The following MON1B variants were observed in gnomAD, a reference collection of about 807,000 sequenced individuals.
MON1B encodes vacuolar fusion protein MON1 homolog B.
Under a neutral mutation model 45.1 loss-of-function variants are expected in MON1B, and 26 were observed. The ratio of observed to expected loss-of-function variants is 0.58; its 90% CI spans 0.42 to 0.80. The LOEUF (loss-of-function observed/expected upper bound fraction) is 0.80. Ranked by LOEUF, MON1B falls within the 30% of genes least tolerant of loss-of-function variation. The pLI is 0.00. For synonymous variants in MON1B, 395 were observed against 320.2 expected (o/e 1.23, Z -2.49); for missense variants, 737 against 754.5 (o/e 0.98, Z 0.27).
In MON1B at chr16:77,198,610, C is replaced by T; in HGVS notation, c.*302C>T. Reference sequence around the variant, plus strand: ...TCTAGCCTCTGTCAGGGACTGTCCCCTCCAAACTTGCTTCCGTGGTCTGCC... The same window carrying T: ...TCTAGCCTCTGTCAGGGACTGTCCCTTCCAAACTTGCTTCCGTGGTCTGCC... On this transcript the variant is annotated 3_prime_UTR_variant, in exon 6 of 6. Transcript: ENST00000248248. 1 of 415,794 alleles carries T rather than the reference C, an allele frequency of 2.4e-6. No homozygotes were observed. Among genetic ancestry groups the T allele is most frequent in the East Asian group, 4.8e-5 (1 of 20,900 alleles). 25.8% of individuals were successfully genotyped at this position (415,794 alleles called of 1,614,324 possible). A position where few individuals can be genotyped will look rare whatever the true frequency, so the allele number is the denominator to read the frequency against.
Position 77,193,210 on chromosome 16 carries a change from A to C in MON1B, c.149-241A>C, listed in dbSNP as rs1483659049. Among the ~76,000 whole-genome samples, 2 of 152,158 alleles carry C rather than the reference A, an allele frequency of 1.3e-5. No individual in the cohort carries two copies. Among genetic ancestry groups the C allele is most frequent in the African/African-American group, 4.8e-5 (2 of 41,414 alleles). On this transcript the variant is annotated intron_variant, in intron 2 of 5. Coordinates refer to ENST00000248248, the MANE Select transcript of MON1B (RefSeq NM_014940.4). This position sits in a 1 kb window ranked among gnomAD's most constrained non-coding sequence, Gnocchi z 5.0. ...GGAACATAGCAAGTCCAGTGGAATAACAATGAGAATATGTTGGTTTATTAG... is the reference window on the plus strand; with the variant it reads ...GGAACATAGCAAGTCCAGTGGAATACCAATGAGAATATGTTGGTTTATTAG...
At position 77,193,278 on chromosome 16, in the gene MON1B, A is replaced by G. The variant is rs374180308; in HGVS notation, c.149-173A>G. ...TGGAACCTAAATGTTAGTGGAGATC[A>G]TTGCGGGGTCCTAGGGCAGTCATCG... On this transcript the variant is annotated intron_variant, in intron 2 of 5. Coordinates refer to ENST00000248248, the MANE Select transcript of MON1B (RefSeq NM_014940.4). This position sits in a 1 kb window ranked among gnomAD's most constrained non-coding sequence, Gnocchi z 5.0. 6.6e-5 allele frequency among the ~76,000 whole-genome samples: 10 copies of G among 152,086 alleles called. No homozygotes were observed. In the East Asian group the frequency reaches 7.7e-4, roughly 12 times the overall value.
chr16:77,199,542 T>C lies in MON1B; in HGVS notation c.*1234T>C. The C allele has an allele frequency of 4.0e-6, 6 of 1,518,240 alleles. No homozygotes were observed. The highest frequency in any genetic ancestry group is 5.4e-6 in the Non-Finnish European group (6 of 1,117,240). 94.0% of individuals were successfully genotyped at this position (1,518,240 alleles called of 1,614,324 possible). A position where few individuals can be genotyped will look rare whatever the true frequency, so the allele number is the denominator to read the frequency against. ...TGAGGGCAAGTGGGCTGCACTCCTTTCTCTCCAACCAGGGCAGAAAGGAGG... is the reference window on the plus strand; with the variant it reads ...TGAGGGCAAGTGGGCTGCACTCCTTCCTCTCCAACCAGGGCAGAAAGGAGG... On this transcript the variant is annotated 3_prime_UTR_variant, in exon 6 of 6. Coordinates refer to ENST00000248248, the MANE Select transcript of MON1B (RefSeq NM_014940.4).
In MON1B at chr16:77,199,120, G is replaced by A. The variant is rs1597379153; in HGVS notation, c.*812G>A. 3.1e-6 allele frequency: 1 copy of A among 322,120 alleles called. No homozygotes were observed. The highest frequency in any genetic ancestry group is 5.7e-6 in the Non-Finnish European group (1 of 175,746). 20.0% of individuals were successfully genotyped at this position (322,120 alleles called of 1,614,324 possible). A position where few individuals can be genotyped will look rare whatever the true frequency, so the allele number is the denominator to read the frequency against. On this transcript the variant is annotated 3_prime_UTR_variant, in exon 6 of 6. Coordinates refer to ENST00000248248, the MANE Select transcript of MON1B (RefSeq NM_014940.4). Reference sequence around the variant, plus strand: ...ACCACCACATAGCACATGCACGTCTGTCCCAGACTTTGACAACCTGCACAA... The same window carrying A: ...ACCACCACATAGCACATGCACGTCTATCCCAGACTTTGACAACCTGCACAA...
At chr16:77,191,766 G>A in intron 2 of MON1B, 133 bp downstream of exon 2, 1 of 1,007,670 alleles carries the variant, frequency 9.9e-7, no homozygotes, top group South Asian at 1.6e-5. Flanking sequence ...CGCCGGGTCA[G>A]GAGGAGGTCA....
At position 77,191,539 on chromosome 16, in the gene MON1B, G is replaced by A. The variant is rs749556783; in HGVS notation, c.54G>A (p.Leu18=). Residue 18 remains leucine, a synonymous_variant, in exon 2 of 6, where the codon TTG becomes TTA. Coordinates refer to ENST00000248248, the MANE Select transcript of MON1B (RefSeq NM_014940.4). Reference sequence around the variant, plus strand: ...CGGCCCCCGGGGGCGCGGAGGACTTGGAGGACACGCAGTTCCCCAGTGAGG... The same window carrying A: ...CGGCCCCCGGGGGCGCGGAGGACTTAGAGGACACGCAGTTCCCCAGTGAGG... ...AAPAPGGAED[L]EDTQFPSEEA... is the part of the protein sequence containing the mutation. The A allele has an allele frequency of 6.2e-7, 1 of 1,609,934 alleles. No homozygotes were observed. The highest frequency in any genetic ancestry group is 1.3e-5 in the African/African-American group (1 of 74,610).
intron 5 of MON1B, among the ~76,000 whole-genome samples, chr16:77,197,890 A>G (rs1434246915): frequency 6.6e-6 from 1 of 152,146 alleles, no homozygotes; most frequent in African/African-American, 2.4e-5. Flanking sequence ...ACCCACACAC[A>G]CAACCAGCAT....
In MON1B at chr16:77,194,129, C is replaced by G. The variant is rs1597375348; in HGVS notation, c.476-206C>G. ...TGGTCTTTGCTGTGTATCTAACCTA[C>G]TTGTTCCTTTGTCCATCCCATCATG... is the stretch of plus-strand genomic sequence containing the variant. On this transcript the variant is annotated intron_variant, in intron 3 of 5. Coordinates refer to ENST00000248248, the MANE Select transcript of MON1B (RefSeq NM_014940.4). The surrounding 1 kb of genome is among the most constrained non-coding windows in gnomAD (Gnocchi z 8.1). The G allele has an allele frequency of 2.0e-5, 13 of 652,348 alleles. No homozygotes were observed. In the East Asian group the frequency reaches 3.5e-4, roughly 17 times the overall value. The allele number at this position is 652,348 out of a possible 1,614,324, so 40.4% of individuals were successfully genotyped here.
rs759726753 is a variant in MON1B at position 77,191,241 on chromosome 16, G to C, written c.-28G>C. ...GAAGTAATGGTATCCGGCCAATTGA[G>C]ATTCGGAGTTAAAACAGGTGTTTGT... On this transcript the variant is annotated 5_prime_UTR_variant, in exon 1 of 6. Transcript: ENST00000248248. 2.6e-6 allele frequency: 4 copies of C among 1,537,340 alleles called. No homozygotes were observed. Among genetic ancestry groups the C allele is most frequent in the Non-Finnish European group, 2.6e-6 (3 of 1,146,938 alleles).
chr16:77,200,353 G>A lies in MON1B; in HGVS notation c.*2045G>A, dbSNP rs1163316281. ...TGTAATCGCAGCTACTCAGGAAGCT[G>A]AGGCAGGAGAATCACTTGAACCCGA... is the stretch of plus-strand genomic sequence containing the variant. On this transcript the variant is annotated 3_prime_UTR_variant, in exon 6 of 6. Transcript: ENST00000248248. 1.3e-5 allele frequency: 2 copies of A among 150,196 alleles called. No individual in the cohort carries two copies. Among genetic ancestry groups the A allele is most frequent in the Non-Finnish European group, 3.0e-5 (2 of 67,704 alleles). The allele number at this position is 150,196 out of a possible 1,614,324, so 9.3% of individuals were successfully genotyped here.
Position 77,200,291 on chromosome 16 carries a change from T to TATATATATATATGTATATATATAC in MON1B, c.*1984_*1985insTATATATATATGTATATATATACA. ...ATATATGTGTATATATATATATATA[T>TATATATATATATGTATATATATAC]ACACACACTAATCAGCCGGGCGCGG... is the stretch of plus-strand genomic sequence containing the variant. On this transcript the variant is annotated 3_prime_UTR_variant, in exon 6 of 6. Transcript: ENST00000248248. 2.7e-5 allele frequency: 3 copies of TATATATATATATGTATATATATAC among 111,430 alleles called. No homozygotes were observed. The highest frequency in any genetic ancestry group is 5.7e-5 in the Non-Finnish European group (3 of 52,240). 6.9% of individuals were successfully genotyped at this position (111,430 alleles called of 1,614,324 possible).
rs1456164960 is a variant in MON1B at position 77,200,651 on chromosome 16, G to A, written c.*2343G>A. ...GGCGCCTGTAGTCCCAGCTACTGGG[G>A]AGGCTGAGGCAGGGGAATTGCTTGA... On this transcript the variant is annotated 3_prime_UTR_variant, in exon 6 of 6. Coordinates refer to ENST00000248248, the MANE Select transcript of MON1B (RefSeq NM_014940.4). The A allele has an allele frequency of 6.6e-5, 10 of 151,410 alleles. No homozygotes were observed. The highest frequency in any genetic ancestry group is 6.6e-4 in the Admixed American group (10 of 15,198). 9.4% of individuals were successfully genotyped at this position (151,410 alleles called of 1,614,324 possible).
At position 77,195,143 on chromosome 16, in the gene MON1B, C is replaced by T. The variant is rs1187424053; in HGVS notation, c.1284C>T (p.Pro428=). ...TCCCTGACCACCACCGCCAACTGCC[C>T]CAGTTTACCAGGTAGGCCCTGACCC... ...LDIPDHHRQL[P]QFTSPELEAP... is the part of the protein sequence containing the mutation. The change falls in exon 4 of 6, where the codon CCC becomes CCT. Residue 428 remains proline, a synonymous_variant. Transcript: ENST00000248248. 8.2e-6 allele frequency: 13 copies of T among 1,592,568 alleles called. No homozygotes were observed. The Admixed American group carries it at 1.8e-4, about 23-fold the overall frequency.
At chr16:77,198,060 C>T (rs753975453) in intron 5 of MON1B, 48 bp from the exon 6 acceptor site, 10 of 1,575,378 alleles carry the variant, frequency 6.3e-6, no homozygotes, top group East Asian at 4.5e-5. Flanking sequence ...CAGGATTGTC[C>T]ATAGCCAGCT....
At position 77,194,672 on chromosome 16, in the gene MON1B, TGGCC is replaced by T; in HGVS notation, c.814_817del (p.Gly272TrpfsTer8). On this transcript the variant is annotated frameshift_variant, in exon 4 of 6. Coordinates refer to ENST00000248248, the MANE Select transcript of MON1B (RefSeq NM_014940.4). LOFTEE classifies it high-confidence loss of function. The surrounding 1 kb of genome is among the most constrained non-coding windows in gnomAD (Gnocchi z 8.1). ...CGCTCCTCCGACGTTGCACAGCGCC[TGGCC>T]TGGCGCTGTCAGTGCTGGCAGTAGG... 6.2e-7 allele frequency: 1 copy of T among 1,613,868 alleles called. No individual in the cohort carries two copies. Among genetic ancestry groups the T allele is most frequent in the Non-Finnish European group, 8.5e-7 (1 of 1,179,896 alleles).
chr16:77,198,298 C>G lies in MON1B; in HGVS notation c.1634C>G (p.Thr545Ser), dbSNP rs201338087. 2.5e-6 allele frequency: 4 copies of G among 1,613,990 alleles called. No homozygotes were observed. The highest frequency in any genetic ancestry group is 2.2e-5 in the South Asian group (2 of 91,086). ...TDQAAHNGLF[T>S]GL The stretch of plus-strand genomic sequence containing the variant: ...CAAGCTGCCCATAATGGCTTGTTCA[C>G]TGGACTCTGATAGTTGGAGCTCCCA... The change falls in exon 6 of 6, where the codon ACT (threonine) becomes AGT (serine). Residue 545 changes from threonine (T) to serine (S), a missense_variant. Transcript: ENST00000248248.
Position 77,193,329 on chromosome 16 carries a change from T to C in MON1B, c.149-122T>C. 1 of 928,060 alleles carries C rather than the reference T, an allele frequency of 1.1e-6. No homozygotes were observed. The highest frequency in any genetic ancestry group is 1.7e-5 in the African/African-American group (1 of 60,082). The allele number at this position is 928,060 out of a possible 1,614,324, so 57.5% of individuals were successfully genotyped here. On this transcript the variant is annotated intron_variant, in intron 2 of 5. Coordinates refer to ENST00000248248, the MANE Select transcript of MON1B (RefSeq NM_014940.4). The surrounding 1 kb of genome is among the most constrained non-coding windows in gnomAD (Gnocchi z 5.0). Reference sequence around the variant, plus strand: ...GGTCATTGAGGGGCATAGGAGACACTTGGAGTTCTGCGTCAGCATGCAGGG... The same window carrying C: ...GGTCATTGAGGGGCATAGGAGACACCTGGAGTTCTGCGTCAGCATGCAGGG...
intron 5 of MON1B, 49 bp from the exon 6 acceptor site, chr16:77,198,059 C>T (rs780084229): frequency 7.0e-6 from 11 of 1,573,290 alleles, no homozygotes; most frequent in Non-Finnish European, 7.9e-6. Flanking sequence ...GCAGGATTGT[C>T]CATAGCCAGC....
chr16:77,198,403 G>A lies in MON1B; in HGVS notation c.*95G>A. 7.3e-7 allele frequency: 1 copy of A among 1,377,630 alleles called. No individual in the cohort carries two copies. The highest frequency in any genetic ancestry group is 1.4e-5 in the African/African-American group (1 of 69,958). 85.3% of individuals were successfully genotyped at this position (1,377,630 alleles called of 1,614,324 possible). ...GAAATGTGTGTGGGGGTGTGTCTGT[G>A]GCCAGTCATTGTCTCCCTAAGCAAT... On this transcript the variant is annotated 3_prime_UTR_variant, in exon 6 of 6. Coordinates refer to ENST00000248248, the MANE Select transcript of MON1B (RefSeq NM_014940.4).
Sources: gnomAD v4.1 joint callset for allele counts (sites outside exome capture counted in the v4.1 genomes callset) on GRCh38, gnomAD v4.1.1 for gene constraint, Gnocchi (gnomAD v3.1) non-coding constraint, MANE v1.5 for transcripts, NCBI Gene and HGNC (gene_info 2026-07-23, HGNC 2026-07-21) for gene names.